HEG1: variants seen among roughly 807,000 people sequenced by gnomAD.
The protein encoded by HEG1 is heart development protein with EGF like domains 1, also known as protein HEG homolog 1.
A neutral mutation model predicts 125.6 loss-of-function variants in HEG1; 56 were observed. The observed-to-expected ratio is 0.45, with a 90% CI of 0.36 to 0.56. The LOEUF is 0.56. Among genes scored for constraint, HEG1 ranks in the 20% least tolerant of loss-of-function variants. The pLI, the probability that HEG1 is intolerant of heterozygous loss-of-function variation, is 0.00. For synonymous variants in HEG1, 644 were observed against 668.5 expected, an observed-to-expected ratio of 0.96 and a Z score of 0.57; for missense variants, 1,523 against 1,670.0, an observed-to-expected ratio of 0.91 and a Z score of 1.53.
At chr3:125,050,431 A>G (rs890942059) in intron 1 of HEG1, among the ~76,000 whole-genome samples, 12 of 152,208 alleles carry the variant, frequency 7.9e-5, no homozygotes, top group Non-Finnish European at 1.5e-4. Flanking sequence ...GGCGTGAGCC[A>G]TCATGCCCAG....
At chr3:124,985,646 A>AC (rs531617752) in intron 14 of HEG1, among the ~76,000 whole-genome samples, 35 of 152,282 alleles carry the variant, frequency 2.3e-4, no homozygotes, top group African/African-American at 8.2e-4. Flanking sequence ...ACAGAGAGAT[A>AC]TTTTACGTGT....
intron 16 of HEG1, among the ~76,000 whole-genome samples, chr3:124,973,363 C>G (rs1051468717): frequency 1.2e-4 from 19 of 152,138 alleles, no homozygotes; most frequent in African/African-American, 4.6e-4. Flanking sequence ...AGTACCTAAC[C>G]ACACAAGGTA....
At position 125,022,687 on chromosome 3, in the gene HEG1, A is replaced by G. The variant is rs995372160; in HGVS notation, c.914-1557T>C. On this transcript the variant is annotated intron_variant, in intron 3 of 16. Transcript: ENST00000311127. ...CAAACAAAACACACTTCAGTATTAA[A>G]AAAAAAAAGAAATAAATAAATAAAA... is the stretch of plus-strand genomic sequence containing the variant. Among the ~76,000 whole-genome samples the G allele has an allele frequency of 2.7e-5, 3 of 111,708 alleles. No homozygotes were observed. The South Asian group carries it at 1.0e-3, about 38-fold the overall frequency. 73.3% of individuals were successfully genotyped at this position (111,708 alleles called of 152,430 possible).
intron 8 of HEG1, 84 bp from the exon 9 acceptor site, chr3:125,005,452 G>T (rs1043480977): frequency 2.1e-5 from 14 of 671,824 alleles, no homozygotes. Flanking sequence ...TGGGGTGTCC[G>T]GCTTTACTCC....
chr3:124,992,891 C>T (rs1343439759), intron 12 of HEG1, among the ~76,000 whole-genome samples: 1 of 152,244 alleles, frequency 6.6e-6, no homozygotes, highest in African/African-American at 2.4e-5. Context: ...ATCACTTTTC[C>T]TGAGCTACAT....
chr3:125,040,407 A>T (rs531904686), intron 1 of HEG1, among the ~76,000 whole-genome samples: 1 of 152,286 alleles, frequency 6.6e-6, no homozygotes, highest in East Asian at 1.9e-4. Flanking sequence ...CCCTACAGAA[A>T]GTCCCTAGGT....
At chr3:125,019,687 T>C in intron 4 of HEG1, 90 bp from the exon 5 acceptor site, 2 of 1,000,516 alleles carry the variant, frequency 2.0e-6, no homozygotes. Flanking sequence ...TAGGGAAAGA[T>C]TCTTTGCCAA....
chr3:125,012,851 C>T lies in HEG1; in HGVS notation c.2728G>A (p.Ala910Thr). 1 of 1,614,018 alleles carries T rather than the reference C, an allele frequency of 6.2e-7. No homozygotes were observed. The highest frequency in any genetic ancestry group is 8.5e-7 in the Non-Finnish European group (1 of 1,179,878). Residue 910 changes from alanine (A) to threonine (T), a missense_variant, in exon 6 of 17, where the codon GCT becomes ACT. Transcript: ENST00000311127. Reference sequence around the variant, plus strand: ...GTCAAAGGGATCAATCCAGTGGTAGCATCCACAATCACTCGGTTCCTTTCT... The same window carrying T: ...GTCAAAGGGATCAATCCAGTGGTAGTATCCACAATCACTCGGTTCCTTTCT... ...STERNRVIVD[A>T]TTGLIPLTSV...
chr3:124,976,662 A>C (rs1302427849), intron 15 of HEG1, among the ~76,000 whole-genome samples: 1 of 152,036 alleles, frequency 6.6e-6, no homozygotes, highest in East Asian at 1.9e-4. Context: ...TTTAATCCCC[A>C]GTGTGGAGGT....
In HEG1 at chr3:124,986,618, C is replaced by T. The variant is rs1936744776; in HGVS notation, c.3733+4169G>A. Among the ~76,000 whole-genome samples the T allele has an allele frequency of 3.3e-5, 5 of 152,282 alleles. No homozygotes were observed. The South Asian group carries it at 1.0e-3, about 32-fold the overall frequency. The stretch of plus-strand genomic sequence containing the variant: ...AAAATGATAAAGTGATATTTACATG[C>T]CATCACAGAATAACAAAAGTTACCA... On this transcript the variant is annotated intron_variant, in intron 14 of 16. Transcript: ENST00000311127.
In HEG1 at chr3:125,021,138, G is replaced by A; in HGVS notation, c.914-8C>T. 1 of 1,533,354 alleles carries A rather than the reference G, an allele frequency of 6.5e-7. No homozygotes were observed. The highest frequency in any genetic ancestry group is 8.8e-7 in the Non-Finnish European group (1 of 1,134,268). The allele number at this position is 1,533,354 out of a possible 1,614,324, so 95.0% of individuals were successfully genotyped here. A position where few individuals can be genotyped will look rare whatever the true frequency, so the allele number is the denominator to read the frequency against. On this transcript the variant is annotated splice_region_variant and splice_polypyrimidine_tract_variant and intron_variant, in intron 3 of 16. Coordinates refer to ENST00000311127, the MANE Select transcript of HEG1 (RefSeq NM_020733.2). Reference sequence around the variant, plus strand: ...TCTCTGTACTTTCAGAAGCTACAATGGAAAAAGATATGCTTCAAAATTACT... The same window carrying A: ...TCTCTGTACTTTCAGAAGCTACAATAGAAAAAGATATGCTTCAAAATTACT...
chr3:125,043,304 A>G (rs183335362), intron 1 of HEG1, among the ~76,000 whole-genome samples: 133 of 152,252 alleles, frequency 8.7e-4, no homozygotes, highest in African/African-American at 3.2e-3. Context: ...CAGAAATAGA[A>G]CTGGCTCTGA....
chr3:124,981,425 A>T (rs1936651337), intron 14 of HEG1, among the ~76,000 whole-genome samples: 1 of 152,168 alleles, frequency 6.6e-6, no homozygotes, highest in Admixed American at 6.5e-5. Context: ...GTCCAGTAAC[A>T]GTTCACACGG....
At chr3:125,045,375 T>C (rs1167715169) in intron 1 of HEG1, among the ~76,000 whole-genome samples, 3 of 152,214 alleles carry the variant, frequency 2.0e-5, no homozygotes, top group African/African-American at 7.2e-5. Flanking sequence ...ACTCTCTCCC[T>C]CTGGACTATT....
intron 1 of HEG1, among the ~76,000 whole-genome samples, chr3:125,046,137 G>A (rs924167675): frequency 4.6e-5 from 7 of 151,972 alleles, no homozygotes; most frequent in Non-Finnish European, 7.4e-5. Flanking sequence ...TCCAACCCCC[G>A]CCAGAGCTCC....
chr3:124,983,369 C>T (rs1402911861), intron 14 of HEG1, among the ~76,000 whole-genome samples: 5 of 151,702 alleles, frequency 3.3e-5, no homozygotes, highest in African/African-American at 7.3e-5. Context: ...CAGGGTCTTG[C>T]TCTGTCACCC....
In HEG1 at chr3:124,990,968, C is replaced by G. The variant is rs751738564; in HGVS notation, c.3671G>C (p.Arg1224Thr). The G allele has an allele frequency of 6.4e-7, 1 of 1,558,608 alleles. No individual in the cohort carries two copies. The highest frequency in any genetic ancestry group is 2.4e-5 in the East Asian group (1 of 42,158). The change falls in exon 13 of 17, where the codon AGG (arginine) becomes ACG (threonine). Residue 1224 changes from arginine (R) to threonine (T), a missense_variant. Arg to Thr is a moderately conservative substitution (Grantham distance 71). Coordinates refer to ENST00000311127, the MANE Select transcript of HEG1 (RefSeq NM_020733.2). ...HSCRACEDGYRLENETCMSCP... is the reference protein window; with the variant it reads ...HSCRACEDGYTLENETCMSCP... ...CCTCATGCAGGTTTCATTTTCAAGC[C>G]TATATCCATCTTCACATGCTGAAAG...
At chr3:124,986,047 G>T (rs968979271) in intron 14 of HEG1, among the ~76,000 whole-genome samples, 1 of 152,232 alleles carries the variant, frequency 6.6e-6, no homozygotes, top group East Asian at 1.9e-4. Context: ...CAAAGTGCTG[G>T]GATTACAGGC....
Position 125,005,371 on chromosome 3 carries a change from GA to G in HEG1, c.3194-4del. 1 of 1,470,456 alleles carries G rather than the reference GA, an allele frequency of 6.8e-7. No individual in the cohort carries two copies. Among genetic ancestry groups the G allele is most frequent in the Non-Finnish European group, 9.4e-7 (1 of 1,067,290 alleles). 91.1% of individuals were successfully genotyped at this position (1,470,456 alleles called of 1,614,324 possible). A position where few individuals can be genotyped will look rare whatever the true frequency, so the allele number is the denominator to read the frequency against. On this transcript the variant is annotated splice_region_variant and splice_polypyrimidine_tract_variant and intron_variant, in intron 8 of 16. Coordinates refer to ENST00000311127, the MANE Select transcript of HEG1 (RefSeq NM_020733.2). The stretch of plus-strand genomic sequence containing the variant: ...AAACTCTGTCACGAAGGTTCTAACT[GA>G]AAATGAAAATGTAACTTGTTAGATT...
Sources: allele counts gnomAD v4.1 joint callset (sites outside exome capture counted in the v4.1 genomes callset), GRCh38; gene constraint gnomAD v4.1.1; transcripts MANE v1.5; gene names NCBI Gene and HGNC (gene_info 2026-07-23, HGNC 2026-07-21).